TBL1XR1: variants seen among roughly 807,000 people sequenced by gnomAD.
TBL1XR1 encodes the protein TBL1X/Y related 1.
A neutral mutation model predicts 66.9 loss-of-function variants in TBL1XR1; 5 were observed. The observed-to-expected ratio is 0.07, with a 90% CI of 0.04 to 0.16. The LOEUF (loss-of-function observed/expected upper bound fraction) is 0.16. Ranked by LOEUF, TBL1XR1 falls within the 10% of genes least tolerant of loss-of-function variation. The probability of loss-of-function intolerance (pLI) is 1.00; values close to 1 mark genes in which losing one functional copy is unlikely to be tolerated. For missense variants in TBL1XR1, 238 were observed against 623.2 expected, an observed-to-expected ratio of 0.38 and a Z score of 6.58; for synonymous variants, 210 against 206.0, an observed-to-expected ratio of 1.02 and a Z score of -0.17.
chr3:177,083,986 G>A (rs1027533275), intron 2 of TBL1XR1, among the ~76,000 whole-genome samples: 2 of 151,324 alleles, frequency 1.3e-5, no homozygotes, highest in African/African-American at 4.9e-5. Flanking sequence ...TACTTGGGAG[G>A]CTGAGGCAGG....
chr3:177,126,979 G>A (rs1395306796), intron 1 of TBL1XR1, among the ~76,000 whole-genome samples: 1 of 152,106 alleles, frequency 6.6e-6, no homozygotes, highest in Admixed American at 6.5e-5. Flanking sequence ...CCCAGTTTCA[G>A]CAAAAACAAC....
chr3:177,157,618 G>A (rs539629640), intron 1 of TBL1XR1, among the ~76,000 whole-genome samples: 123 of 152,286 alleles, frequency 8.1e-4, no homozygotes, highest in Middle Eastern at 3.4e-3. Context: ...TGCCATGGAA[G>A]GTTAAATACC....
chr3:177,158,366 T>G (rs777924054), intron 1 of TBL1XR1, among the ~76,000 whole-genome samples: 2 of 151,884 alleles, frequency 1.3e-5, no homozygotes, highest in African/African-American at 4.8e-5. Context: ...GTAGCTGGGA[T>G]TACAGGTGCG....
chr3:177,128,793 T>C (rs889712988), intron 1 of TBL1XR1, among the ~76,000 whole-genome samples: 2 of 152,242 alleles, frequency 1.3e-5, no homozygotes, highest in African/African-American at 2.4e-5. Flanking sequence ...TCCTTGAATG[T>C]TGAATGTCAT....
chr3:177,164,350 A>AT (rs34088456), intron 1 of TBL1XR1, among the ~76,000 whole-genome samples: 21,200 of 142,712 alleles, frequency 0.15, 1,671 homozygotes, highest in South Asian at 0.19. Flanking sequence ...CCTATTTTCA[A>AT]TTTTTTTTTT....
At chr3:177,161,264 GT>G (rs1381909200) in intron 1 of TBL1XR1, among the ~76,000 whole-genome samples, 1 of 152,034 alleles carries the variant, frequency 6.6e-6, no homozygotes, top group African/African-American at 2.4e-5. Context: ...GCTTTCCCAT[GT>G]GTTTCTTTTA....
At chr3:177,050,261 C>A in intron 6 of TBL1XR1, 123 bp from the exon 7 acceptor site, 1 of 1,358,726 alleles carries the variant, frequency 7.4e-7, no homozygotes. Context: ...TTTTCATTTC[C>A]AGTATTTTTC....
Position 177,024,069 on chromosome 3 carries a change from CAG to C in TBL1XR1, c.*1427_*1428del, listed in dbSNP as rs1056279827. ...TTAAGAAAATACTTGATATTATAAA[CAG>C]AGTAAAAGACATGATATAGTAGTGA... On this transcript the variant is annotated 3_prime_UTR_variant, in exon 16 of 16. Coordinates refer to ENST00000457928, the MANE Select transcript of TBL1XR1 (RefSeq NM_024665.7). 6 of 149,744 alleles carry C rather than the reference CAG, an allele frequency of 4.0e-5. No homozygotes were observed. Among genetic ancestry groups the C allele is most frequent in the African/African-American group, 9.9e-5 (4 of 40,562 alleles). The allele number at this position is 149,744 out of a possible 1,614,324, so 9.3% of individuals were successfully genotyped here.
At chr3:177,075,329 C>A (rs1720568266) in intron 2 of TBL1XR1, among the ~76,000 whole-genome samples, 1 of 152,204 alleles carries the variant, frequency 6.6e-6, no homozygotes, top group Non-Finnish European at 1.5e-5. Flanking sequence ...AAATTTCCCT[C>A]TTTTTATAAA....
chr3:177,176,856 T>C (rs77546880), intron 1 of TBL1XR1, among the ~76,000 whole-genome samples: 5,156 of 152,124 alleles, frequency 0.034, 226 homozygotes, highest in African/African-American at 0.1. Context: ...GGGGCACGTC[T>C]GTAGTCCCAG....
chr3:177,104,236 T>C (rs1056013501), intron 1 of TBL1XR1, among the ~76,000 whole-genome samples: 1 of 152,018 alleles, frequency 6.6e-6, no homozygotes, highest in East Asian at 1.9e-4. Flanking sequence ...TCAAATTAAA[T>C]TGCTTAGCAC....
At chr3:177,201,227 A>G (rs1737333666), upstream of TBL1XR1, among the ~76,000 whole-genome samples, 1 of 151,964 alleles carries the variant, frequency 6.6e-6, no homozygotes, top group African/African-American at 2.4e-5. Context: ...CCTGACCAAC[A>G]TGGTGAAACC....
intron 2 of TBL1XR1, among the ~76,000 whole-genome samples, chr3:177,094,860 G>A (rs2108654898): frequency 6.6e-6 from 1 of 152,012 alleles, no homozygotes; most frequent in Non-Finnish European, 1.5e-5. Flanking sequence ...ACTACACACT[G>A]GGTACAGTGT....
chr3:177,064,433 T>C (rs1305575505), intron 3 of TBL1XR1, among the ~76,000 whole-genome samples: 1 of 152,214 alleles, frequency 6.6e-6, no homozygotes, highest in Non-Finnish European at 1.5e-5. Flanking sequence ...TGGCTTTCAA[T>C]GATTTCTATT....
At chr3:177,083,607 A>G (rs116647786) in intron 2 of TBL1XR1, among the ~76,000 whole-genome samples, 81 of 152,326 alleles carry the variant, frequency 5.3e-4, no homozygotes, top group African/African-American at 1.9e-3. Context: ...TTACTATGAA[A>G]ATTTTCAAAC....
chr3:177,066,502 C>G (rs569792204), intron 2 of TBL1XR1, among the ~76,000 whole-genome samples: 3 of 152,108 alleles, frequency 2.0e-5, no homozygotes, highest in Admixed American at 6.5e-5. Flanking sequence ...ACGAGTAAGG[C>G]TTGAAATGCA....
chr3:177,153,135 AAAAATAAAAT>A (rs572609109), intron 1 of TBL1XR1, among the ~76,000 whole-genome samples: 1 of 150,838 alleles, frequency 6.6e-6, no homozygotes, highest in Non-Finnish European at 1.5e-5. Context: ...ATAGTGTCTC[AAAAATAAAAT>A]AAAATAAAAT....
intron 1 of TBL1XR1, among the ~76,000 whole-genome samples, chr3:177,179,553 A>G (rs962821559): frequency 6.6e-6 from 1 of 152,206 alleles, no homozygotes; most frequent in Admixed American, 6.5e-5. Context: ...GGCAGGTAAA[A>G]TGTATCCAAA....
At chr3:177,115,990 A>G (rs549101678) in intron 1 of TBL1XR1, among the ~76,000 whole-genome samples, 3 of 152,282 alleles carry the variant, frequency 2.0e-5, no homozygotes, top group Admixed American at 6.5e-5. Context: ...CTTTTGCTTT[A>G]ATGAAAATAA....
Sources: allele counts gnomAD v4.1 joint callset (sites outside exome capture counted in the v4.1 genomes callset), GRCh38; gene constraint gnomAD v4.1.1; transcripts MANE v1.5; gene names NCBI Gene and HGNC (gene_info 2026-07-23, HGNC 2026-07-21).